The following PDE4D variants were observed in gnomAD, a reference collection of about 807,000 sequenced individuals.
The protein encoded by PDE4D is phosphodiesterase 4D, also known as 3',5'-cyclic-AMP phosphodiesterase 4D.
Under a neutral mutation model 87.4 loss-of-function variants are expected in PDE4D, and 24 were observed. The observed-to-expected ratio is 0.27, with a 90% CI of 0.20 to 0.39. The LOEUF (loss-of-function observed/expected upper bound fraction) is 0.39. Ranked by LOEUF, PDE4D falls within the 10% of genes least tolerant of loss-of-function variation. PDE4D has a pLI of 1.00. For synonymous variants in PDE4D, 384 were observed against 383.2 expected, an observed-to-expected ratio of 1.00 and a Z score of -0.02; for missense variants, 714 against 1,041.0, an observed-to-expected ratio of 0.69 and a Z score of 4.32.
intron 1 of PDE4D, among the ~76,000 whole-genome samples, chr5:59,836,885 A>G (rs1002206381): frequency 7.2e-5 from 11 of 151,944 alleles, no homozygotes; most frequent in Non-Finnish European, 1.6e-4. Flanking sequence ...TTCTCATCAT[A>G]CATCCTGGTT....
intron 1 of PDE4D, among the ~76,000 whole-genome samples, chr5:59,787,086 T>G (rs1432822154): frequency 6.6e-6 from 1 of 152,234 alleles, no homozygotes. Context: ...ATCTCTTGCC[T>G]CCAGCCTATA....
At chr5:60,143,642 TG>T in intron 2 of PDE4D, among the ~76,000 whole-genome samples, 1 of 133,518 alleles carries the variant, frequency 7.5e-6, no homozygotes, top group Admixed American at 7.9e-5. Flanking sequence ...TGTGTGTGTG[TG>T]TGTGTGTATG....
At chr5:60,200,469 T>C (rs982172482) in intron 1 of PDE4D, among the ~76,000 whole-genome samples, 1 of 146,386 alleles carries the variant, frequency 6.8e-6, no homozygotes, top group Non-Finnish European at 1.6e-5. Context: ...AAAGTTTGGG[T>C]GTTTTTCCCC....
intron 1 of PDE4D, among the ~76,000 whole-genome samples, chr5:59,381,365 C>G (rs993138955): frequency 2.6e-5 from 4 of 152,228 alleles, no homozygotes; most frequent in Admixed American, 1.3e-4. Context: ...AACTGAAGAA[C>G]TTCTTCCTCC....
intron 1 of PDE4D, among the ~76,000 whole-genome samples, chr5:59,621,626 A>T (rs1275921476): frequency 6.6e-6 from 1 of 152,206 alleles, no homozygotes. Flanking sequence ...TCCTTCCTGC[A>T]GCAACAAAGC....
chr5:59,571,658 C>G (rs184363645), intron 1 of PDE4D, among the ~76,000 whole-genome samples: 1 of 152,128 alleles, frequency 6.6e-6, no homozygotes, highest in African/African-American at 2.4e-5. Context: ...GTATCAAACT[C>G]TTAGTGCCAA....
At chr5:59,080,527 A>T (rs1203374857) in intron 5 of PDE4D, among the ~76,000 whole-genome samples, 3 of 152,122 alleles carry the variant, frequency 2.0e-5, no homozygotes, top group Non-Finnish European at 4.4e-5. Context: ...ACCTACCAAC[A>T]TCGTCATATT....
At chr5:59,265,114 A>G (rs1762646390) in intron 1 of PDE4D, among the ~76,000 whole-genome samples, 1 of 152,012 alleles carries the variant, frequency 6.6e-6, no homozygotes, top group African/African-American at 2.4e-5. Flanking sequence ...CAGTGTGATT[A>G]CCGTAGGACC....
chr5:60,176,397 G>C (rs1239547302), intron 2 of PDE4D, among the ~76,000 whole-genome samples: 1 of 151,944 alleles, frequency 6.6e-6, no homozygotes, highest in Non-Finnish European at 1.5e-5. Flanking sequence ...TTTCCTTATG[G>C]TAAGAATGAG....
intron 2 of PDE4D, among the ~76,000 whole-genome samples, chr5:60,110,025 A>C (rs1777509373): frequency 6.6e-6 from 1 of 152,164 alleles, no homozygotes. Context: ...AATTAAAAAA[A>C]AATTAAAAAC....
At chr5:59,423,935 A>G (rs1405327647) in intron 1 of PDE4D, among the ~76,000 whole-genome samples, 1 of 151,930 alleles carries the variant, frequency 6.6e-6, no homozygotes, top group Non-Finnish European at 1.5e-5. Flanking sequence ...GATAGAACAG[A>G]GACTAGTTAT....
At chr5:60,325,981 T>C (rs1038717180) in intron 1 of PDE4D, among the ~76,000 whole-genome samples, 5 of 152,176 alleles carry the variant, frequency 3.3e-5, no homozygotes, top group African/African-American at 1.2e-4. Flanking sequence ...ATCTAGATCA[T>C]TGTATGTATC....
At chr5:59,119,882 C>T (rs1774204909) in intron 5 of PDE4D, among the ~76,000 whole-genome samples, 1 of 152,212 alleles carries the variant, frequency 6.6e-6, no homozygotes, top group African/African-American at 2.4e-5. Flanking sequence ...TCTTGTTCTG[C>T]TGCATAGGCC....
chr5:60,500,391 A>G (rs534288979), intron 1 of PDE4D, among the ~76,000 whole-genome samples: 2 of 152,346 alleles, frequency 1.3e-5, no homozygotes, highest in Admixed American at 1.3e-4. Flanking sequence ...GAAAATATTT[A>G]AGATTTATTT....
At chr5:59,251,255 G>T (rs1291205272) in intron 1 of PDE4D, among the ~76,000 whole-genome samples, 1 of 152,086 alleles carries the variant, frequency 6.6e-6, no homozygotes, top group Non-Finnish European at 1.5e-5. Context: ...TACAGAATGG[G>T]AGAAAATATT....
At chr5:59,473,441 ACTG>A (rs1420471062) in intron 1 of PDE4D, among the ~76,000 whole-genome samples, 1 of 152,084 alleles carries the variant, frequency 6.6e-6, no homozygotes, top group Non-Finnish European at 1.5e-5. Flanking sequence ...CATTTAGAAG[ACTG>A]TAGACAACAC....
chr5:60,449,528 G>A (rs1469809365), intron 1 of PDE4D, among the ~76,000 whole-genome samples: 1 of 150,182 alleles, frequency 6.7e-6, no homozygotes, highest in African/African-American at 2.4e-5. Context: ...AGCACTGGGA[G>A]ATATACCTAA....
chr5:60,048,058 G>T (rs1769536984), intron 2 of PDE4D, among the ~76,000 whole-genome samples: 1 of 152,062 alleles, frequency 6.6e-6, no homozygotes, highest in Non-Finnish European at 1.5e-5. Context: ...CCTGTATTGG[G>T]TGCATATATA....
intron 2 of PDE4D, among the ~76,000 whole-genome samples, chr5:60,167,940 A>G (rs1177753932): frequency 6.6e-6 from 1 of 152,206 alleles, no homozygotes; most frequent in Non-Finnish European, 1.5e-5. Flanking sequence ...TACTTATTCC[A>G]GTCTTTACAG....
Sources: gnomAD v4.1 joint callset for allele counts (sites outside exome capture counted in the v4.1 genomes callset) on GRCh38, gnomAD v4.1.1 for gene constraint, MANE v1.5 for transcripts, NCBI Gene and HGNC (gene_info 2026-07-23, HGNC 2026-07-21) for gene names.